DRC5: variants seen among roughly 807,000 people sequenced by gnomAD.
DRC5 encodes T-complex-associated testis-expressed protein 1.
At chr6:44,285,966 T>A in the DRC5 span, 1 of 1,612,136 alleles carries the variant, frequency 6.2e-7, no homozygotes, top group Non-Finnish European at 8.5e-7. Flanking sequence ...GACAGTACCT[T>A]GAGGGTGTGG....
At chr6:44,285,575 G>A in the DRC5 span, among the ~76,000 whole-genome samples, 1 of 152,154 alleles carries the variant, frequency 6.6e-6, no homozygotes, top group Non-Finnish European at 1.5e-5. Context: ...TGGATGTCCT[G>A]TATTTCTATT....
the DRC5 span, among the ~76,000 whole-genome samples, chr6:44,281,702 C>T: frequency 6.6e-6 from 1 of 152,210 alleles, no homozygotes; most frequent in African/African-American, 2.4e-5. Flanking sequence ...GCATTTCTTA[C>T]TCTCAGACTT....
At chr6:44,286,174 G>A in the DRC5 span, 19 of 1,612,568 alleles carry the variant, frequency 1.2e-5, no homozygotes, top group Admixed American at 1.7e-4. Context: ...TGCCTGAGTC[G>A]GACTGGTCGC....
chr6:44,283,144 C>T, the DRC5 span, among the ~76,000 whole-genome samples: 4 of 152,092 alleles, frequency 2.6e-5, no homozygotes, highest in Admixed American at 6.5e-5. Context: ...TTCAGCATCT[C>T]GATGAAGAAG....
chr6:44,279,490 C>T, the DRC5 span: 2 of 152,192 alleles, frequency 1.3e-5, no homozygotes, highest in African/African-American at 4.8e-5. Context: ...CCCAGGGAAG[C>T]TCTCTGGGGT....
the DRC5 span, among the ~76,000 whole-genome samples, chr6:44,291,444 G>A: frequency 6.6e-6 from 1 of 152,116 alleles, no homozygotes; most frequent in Non-Finnish European, 1.5e-5. Context: ...TTGCTGCCCC[G>A]CTGTCACTGT....
At chr6:44,287,192 G>A in the DRC5 span, 5 of 985,278 alleles carry the variant, frequency 5.1e-6, no homozygotes, top group Non-Finnish European at 6.0e-6. Flanking sequence ...GCCCTTACAT[G>A]GCATGGAAGA....
chr6:44,285,830 G>A, the DRC5 span: 2 of 805,926 alleles, frequency 2.5e-6, no homozygotes, highest in African/African-American at 3.4e-5. Context: ...TTGGTGCAGG[G>A]TGCATTAAAA....
the DRC5 span, chr6:44,286,447 G>T: frequency 6.2e-7 from 1 of 1,614,182 alleles, no homozygotes; most frequent in Non-Finnish European, 8.5e-7. Context: ...TCAGGTTGGC[G>T]GTCACAGCCA....
chr6:44,281,213 T>C, the DRC5 span, among the ~76,000 whole-genome samples: 2 of 152,082 alleles, frequency 1.3e-5, no homozygotes, highest in Non-Finnish European at 2.9e-5. Context: ...GAATTTCACG[T>C]TGGGAGGCAG....
At chr6:44,278,988 C>T in the DRC5 span, 2 of 152,256 alleles carry the variant, frequency 1.3e-5, no homozygotes, top group African/African-American at 4.8e-5. Context: ...CATGCAGTCA[C>T]TCCCAAGCCC....
chr6:44,293,300 T>G, the DRC5 span, among the ~76,000 whole-genome samples: 2 of 101,246 alleles, frequency 2.0e-5, no homozygotes, highest in African/African-American at 4.2e-5. Context: ...TTCAGAACTA[T>G]CCTCTCAAAA....
chr6:44,290,700 T>C, the DRC5 span, among the ~76,000 whole-genome samples: 1 of 152,208 alleles, frequency 6.6e-6, no homozygotes, highest in Admixed American at 6.5e-5. Context: ...TGGACACCCA[T>C]GGGCCACACC....
the DRC5 span, among the ~76,000 whole-genome samples, chr6:44,289,512 AG>A: frequency 6.6e-6 from 1 of 152,070 alleles, no homozygotes; most frequent in Non-Finnish European, 1.5e-5. Flanking sequence ...TGTTTCAGAG[AG>A]TGCAGGTTGA....
the DRC5 span, chr6:44,280,267 G>A: frequency 8.1e-6 from 13 of 1,614,226 alleles, no homozygotes; most frequent in Admixed American, 6.7e-5. Context: ...GCTGCTTCTC[G>A]GTTTGCGTAG....
chr6:44,282,675 G>A, the DRC5 span: 3 of 792,684 alleles, frequency 3.8e-6, no homozygotes, highest in Admixed American at 8.1e-5. Flanking sequence ...GGTCTTGGAG[G>A]GGGCCAGGCC....
the DRC5 span, among the ~76,000 whole-genome samples, chr6:44,288,190 A>C: frequency 6.6e-6 from 1 of 152,236 alleles, no homozygotes; most frequent in African/African-American, 2.4e-5. Context: ...ACATGAAACT[A>C]GCAAGGAGCA....
chr6:44,280,008 T>C, the DRC5 span: 1 of 612,860 alleles, frequency 1.6e-6, no homozygotes. Context: ...TCTTCCCCCA[T>C]GCCAGGCTCC....
the DRC5 span, chr6:44,282,678 G>A: frequency 5.3e-4 from 403 of 761,932 alleles, no homozygotes; most frequent in Non-Finnish European, 7.9e-4. Context: ...CTTGGAGGGG[G>A]CCAGGCCTAC....
Sources: gnomAD v4.1 joint callset for allele counts (sites outside exome capture counted in the v4.1 genomes callset) on GRCh38, gnomAD v4.1.1 for gene constraint, MANE v1.5 for transcripts, NCBI Gene and HGNC (gene_info 2026-07-23, HGNC 2026-07-21) for gene names.